The following GPR139 variants were observed in gnomAD, a reference collection of about 807,000 sequenced individuals.
GPR139 encodes the protein probable G protein-coupled receptor 139.
In GPR139, 12 loss-of-function variants were observed where a neutral mutation model predicts 25.8. The observed-to-expected ratio is 0.47, with a 90% confidence interval of 0.30 to 0.75. The LOEUF is 0.75. GPR139 is among the 30% of genes least tolerant of loss of function. The probability of loss-of-function intolerance (pLI) is 0.07; values close to 1 mark genes in which losing one functional copy is unlikely to be tolerated. For synonymous variants in GPR139, 184 were observed against 179.9 expected (o/e 1.02, Z -0.18); for missense variants, 380 against 450.2 (o/e 0.84, Z 1.41).
Position 20,073,394 on chromosome 16 carries a change from C to T in GPR139, c.127+96G>A. The T allele has an allele frequency of 2.0e-6, 3 of 1,520,970 alleles. No homozygotes were observed. The highest frequency in any genetic ancestry group is 2.7e-6 in the Non-Finnish European group (3 of 1,123,770). The allele number at this position is 1,520,970 out of a possible 1,614,324, so 94.2% of individuals were successfully genotyped here. A position where few individuals can be genotyped will look rare whatever the true frequency, so the allele number is the denominator to read the frequency against. On this transcript the variant is annotated intron_variant, in intron 1 of 1. Transcript: ENST00000570682. This position sits in a 1 kb window ranked among gnomAD's most constrained non-coding sequence, Gnocchi z 4.7. ...AAAGCTTAAACTTTTTCCGAGGGGG[C>T]GCCAGGGAACGCACGGGGGAGGACG...
rs2057275680 is a variant in GPR139, at chr16:20,028,428, T to C, written c.*3307A>G. Among the ~76,000 whole-genome samples the C allele has an allele frequency of 6.6e-6, 1 of 152,340 alleles. No homozygotes were observed. Among genetic ancestry groups the C allele is most frequent in the South Asian group, 2.1e-4 (1 of 4,828 alleles). The stretch of plus-strand genomic sequence containing the variant: ...AAGTGTGCACCATATTAGAATTTAT[T>C]ATAATACAAACAAGTCCAAACACAA... On this transcript the variant is annotated 3_prime_UTR_variant, in exon 2 of 2. Transcript: ENST00000570682.
chr16:20,066,264 G>A (rs1417220749), intron 1 of GPR139, among the ~76,000 whole-genome samples: 4 of 152,206 alleles, frequency 2.6e-5, no homozygotes, highest in Admixed American at 2.6e-4. Flanking sequence ...CCACACGGAG[G>A]TTCAGTGGCA....
chr16:20,044,994 ATTTTT>A (rs10581585), intron 1 of GPR139, among the ~76,000 whole-genome samples: 2 of 86,302 alleles, frequency 2.3e-5, no homozygotes, highest in African/African-American at 4.8e-5. Context: ...CACTTGCACT[ATTTTT>A]TTTTTTTTTT....
intron 1 of GPR139, among the ~76,000 whole-genome samples, chr16:20,034,135 G>A (rs1046501660): frequency 4.6e-5 from 7 of 152,002 alleles, no homozygotes; most frequent in Non-Finnish European, 1.0e-4. Context: ...TTTGAACACC[G>A]ATAATGCTAT....
chr16:20,061,891 G>T (rs1024892161), intron 1 of GPR139, among the ~76,000 whole-genome samples: 2 of 152,208 alleles, frequency 1.3e-5, no homozygotes, highest in African/African-American at 4.8e-5. Context: ...GAGATTTGGG[G>T]TCAAGGCCCA....
intron 1 of GPR139, among the ~76,000 whole-genome samples, chr16:20,037,900 G>A (rs72771097): frequency 0.18 from 27,111 of 151,962 alleles, 3,075 homozygotes; most frequent in East Asian, 0.35. Context: ...CGCTCTTGTC[G>A]GCCAGGCTAG....
chr16:20,032,494 G>T lies in GPR139; in HGVS notation c.303C>A (p.Asp101Glu). The stretch of plus-strand genomic sequence containing the variant: ...AGAATTCCAGCACTTCTATGATCTT[G>T]TCGGGGACCTGAGGCATCTGCATGT... ...ILNMQMPQVP[D>E]KIIEVLEFSS... Residue 101 changes from aspartate (D) to glutamate (E), a missense_variant, in exon 2 of 2, where the codon GAC becomes GAA. Physicochemically the swap from Asp to Glu is conservative, Grantham distance 45 (BLOSUM62 2). Coordinates refer to ENST00000570682, the MANE Select transcript of GPR139 (RefSeq NM_001002911.4). The T allele has an allele frequency of 6.2e-7, 1 of 1,614,170 alleles. No individual in the cohort carries two copies. Among genetic ancestry groups the T allele is most frequent in the Non-Finnish European group, 8.5e-7 (1 of 1,180,024 alleles).
chr16:20,059,565 A>T (rs2057403310), intron 1 of GPR139, among the ~76,000 whole-genome samples: 1 of 151,738 alleles, frequency 6.6e-6, no homozygotes, highest in African/African-American at 2.4e-5. Flanking sequence ...CTGTCACCTT[A>T]CCTCGTATGG....
At chr16:20,039,878 A>G (rs550084174) in intron 1 of GPR139, among the ~76,000 whole-genome samples, 1 of 152,306 alleles carries the variant, frequency 6.6e-6, no homozygotes, top group African/African-American at 2.4e-5. Context: ...GGTAGTCTCC[A>G]TGCCTTGAGT....
At chr16:20,066,456 A>C (rs1403671757) in intron 1 of GPR139, among the ~76,000 whole-genome samples, 1 of 152,218 alleles carries the variant, frequency 6.6e-6, no homozygotes, top group Non-Finnish European at 1.5e-5. Flanking sequence ...CTTATGATGG[A>C]ATTGATTGCT....
chr16:20,047,109 A>ATT lies in GPR139; in HGVS notation c.128-14442_128-14441dup, dbSNP rs112181101. Among the ~76,000 whole-genome samples, 729 of 148,526 alleles carry ATT rather than the reference A, an allele frequency of 4.9e-3. 8 individuals carry two copies. The highest frequency in any genetic ancestry group is 0.016 in the African/African-American group (657 of 40,670). ...AGTCTTAAAACTTCTCTTCTTAGGG[A>ATT]TTTTTTTTTTGTTTTTTTTGAGGTG... On this transcript the variant is annotated intron_variant, in intron 1 of 1. Coordinates refer to ENST00000570682, the MANE Select transcript of GPR139 (RefSeq NM_001002911.4).
intron 1 of GPR139, among the ~76,000 whole-genome samples, chr16:20,048,872 T>C (rs72772719): frequency 0.081 from 12,330 of 152,248 alleles, 588 homozygotes; most frequent in Non-Finnish European, 0.11. Flanking sequence ...CTTGCCACTT[T>C]ATTTTAGGAG....
At chr16:20,043,272 A>G (rs1042550440) in intron 1 of GPR139, among the ~76,000 whole-genome samples, 5 of 152,064 alleles carry the variant, frequency 3.3e-5, no homozygotes, top group Admixed American at 2.6e-4. Flanking sequence ...TTCATTGGGA[A>G]CCATAATAAC....
intron 1 of GPR139, among the ~76,000 whole-genome samples, chr16:20,060,235 G>T (rs1279788418): frequency 6.6e-6 from 1 of 151,654 alleles, no homozygotes; most frequent in African/African-American, 2.4e-5. Context: ...ACCTTTGGCT[G>T]CAGGGTGTGT....
intron 1 of GPR139, among the ~76,000 whole-genome samples, chr16:20,059,351 C>T (rs565016829): frequency 1.3e-5 from 2 of 152,168 alleles, no homozygotes; most frequent in African/African-American, 2.4e-5. Flanking sequence ...CTATCTCTTC[C>T]CCATCATCTC....
At chr16:20,067,228 G>A (rs541422905) in intron 1 of GPR139, among the ~76,000 whole-genome samples, 5 of 152,304 alleles carry the variant, frequency 3.3e-5, no homozygotes, top group African/African-American at 1.2e-4. Context: ...AGCCCAGGCA[G>A]CCTCCAGCAT....
At chr16:20,038,751 G>A (rs938181331) in intron 1 of GPR139, among the ~76,000 whole-genome samples, 1 of 152,060 alleles carries the variant, frequency 6.6e-6, no homozygotes, top group South Asian at 2.1e-4. Context: ...TTGATTTTCT[G>A]AAAAAGAAAT....
chr16:20,073,754 C>T lies in GPR139; in HGVS notation c.-138G>A, dbSNP rs2057469982. ...TCTCTCCCCGCAGGACTGGCTCCTACCCTTGGCCGTGATCCCCTCTGCTCG... is the reference window on the plus strand; with the variant it reads ...TCTCTCCCCGCAGGACTGGCTCCTATCCTTGGCCGTGATCCCCTCTGCTCG... On this transcript the variant is annotated 5_prime_UTR_variant, in exon 1 of 2. Transcript: ENST00000570682. This position sits in a 1 kb window ranked among gnomAD's most constrained non-coding sequence, Gnocchi z 4.7. The T allele has an allele frequency of 1.8e-6, 2 of 1,138,762 alleles. No homozygotes were observed. The highest frequency in any genetic ancestry group is 2.4e-6 in the Non-Finnish European group (2 of 834,022). 70.5% of individuals were successfully genotyped at this position (1,138,762 alleles called of 1,614,324 possible).
intron 1 of GPR139, among the ~76,000 whole-genome samples, chr16:20,066,727 C>T (rs1276262004): frequency 6.6e-6 from 1 of 152,214 alleles, no homozygotes; most frequent in African/African-American, 2.4e-5. Context: ...ATCCAGGGCA[C>T]AGAAGGTTAA....
Sources: allele counts gnomAD v4.1 joint callset (sites outside exome capture counted in the v4.1 genomes callset), GRCh38; gene constraint gnomAD v4.1.1; non-coding constraint Gnocchi (gnomAD v3.1); transcripts MANE v1.5; gene names NCBI Gene and HGNC (gene_info 2026-07-23, HGNC 2026-07-21).